GATAD2A: variants seen among roughly 807,000 people sequenced by gnomAD.
GATAD2A encodes transcriptional repressor p66-alpha.
GATAD2A carries 12 observed loss-of-function variants against 68.5 expected under a neutral mutation model. The ratio of observed to expected loss-of-function variants is 0.18; its 90% CI spans 0.11 to 0.28. The LOEUF is 0.28. GATAD2A is among the 10% of genes least tolerant of loss of function. The pLI is 1.00. For missense variants in GATAD2A, 755 were observed against 868.5 expected (o/e 0.87, Z 1.64); for synonymous variants, 410 against 375.3 (o/e 1.09, Z -1.07).
At chr19:19,424,989 T>A (rs1167058773) in intron 1 of GATAD2A, among the ~76,000 whole-genome samples, 1 of 150,978 alleles carries the variant, frequency 6.6e-6, no homozygotes, top group African/African-American at 2.4e-5. Context: ...TTGACACCTA[T>A]AATCCCAGCC....
At chr19:19,426,767 A>G (rs978603024) in intron 1 of GATAD2A, among the ~76,000 whole-genome samples, 3 of 151,856 alleles carry the variant, frequency 2.0e-5, no homozygotes, top group East Asian at 3.9e-4. Context: ...ACCCGCCTCA[A>G]CCTCCCAAAG....
chr19:19,438,966 C>G (rs578090462), intron 1 of GATAD2A, among the ~76,000 whole-genome samples: 3 of 152,370 alleles, frequency 2.0e-5, no homozygotes, highest in Admixed American at 1.3e-4. Flanking sequence ...TTCACCCACT[C>G]TTGGGTGTGT....
At chr19:19,501,701 AG>A (rs2060536205) in intron 9 of GATAD2A, among the ~76,000 whole-genome samples, 1 of 152,210 alleles carries the variant, frequency 6.6e-6, no homozygotes, top group South Asian at 2.1e-4. Context: ...AAATTTGGAG[AG>A]GAACAAGTTT....
intron 1 of GATAD2A, among the ~76,000 whole-genome samples, chr19:19,456,153 CAA>C (rs397859145): frequency 0.068 from 6,361 of 94,126 alleles, 172 homozygotes; most frequent in East Asian, 0.18. Flanking sequence ...GACTCCATCT[CAA>C]AAAAAAAAAA....
intron 1 of GATAD2A, among the ~76,000 whole-genome samples, chr19:19,442,609 C>T (rs1345013064): frequency 6.6e-6 from 1 of 152,006 alleles, no homozygotes; most frequent in Non-Finnish European, 1.5e-5. Context: ...GTCTGGGCAA[C>T]AGAGTAAGAC....
intron 1 of GATAD2A, among the ~76,000 whole-genome samples, chr19:19,432,294 G>GT (rs1208367350): frequency 6.6e-6 from 1 of 151,432 alleles, no homozygotes; most frequent in African/African-American, 2.4e-5. Context: ...GTTTTGTTTT[G>GT]TTTTTGTTTT....
In GATAD2A at chr19:19,498,554, G is replaced by T. The variant is rs1348306971; in HGVS notation, c.1036G>T (p.Ala346Ser). Residue 346 changes from alanine (A) to serine (S), a missense_variant, in exon 8 of 12, where the codon GCG (alanine) becomes TCG (serine). Coordinates refer to ENST00000683918, the MANE Select transcript of GATAD2A (RefSeq NM_001384528.1). The part of the protein sequence containing the change: ...TSAESPASRQ[A>S]AAKLALRKQL... ...TGCCGAGTCTCCAGCAAGCCGACAG[G>T]CGGCCGCCAAGCTGGCGCTGCGCAA... 1.2e-6 allele frequency: 2 copies of T among 1,613,818 alleles called. No homozygotes were observed. The highest frequency in any genetic ancestry group is 1.7e-6 in the Non-Finnish European group (2 of 1,180,042).
chr19:19,482,955 C>T (rs575777434), intron 2 of GATAD2A, among the ~76,000 whole-genome samples: 17 of 152,252 alleles, frequency 1.1e-4, no homozygotes, highest in Non-Finnish European at 2.4e-4. Flanking sequence ...CTACTACCCT[C>T]AGCCAAGCTA....
intron 1 of GATAD2A, among the ~76,000 whole-genome samples, chr19:19,407,894 C>G (rs1004311543): frequency 9.2e-5 from 14 of 152,230 alleles, no homozygotes. Flanking sequence ...CCTCCTTCAT[C>G]TTTCAGTTCT....
In GATAD2A at chr19:19,492,685, A is replaced by G. The variant is rs1271120622; in HGVS notation, c.507A>G (p.Gln169=). ...LVLLKKLRQS[Q]IQKEATAQKP... ...TGTTGAAAAAGTTGCGGCAGAGTCA[A>G]ATACAAAAGGAAGCCACCGCCCAGA... Residue 169 remains glutamine (Q), a synonymous_variant, in exon 4 of 12, where the codon CAA becomes CAG. Transcript: ENST00000683918. 1.2e-6 allele frequency: 2 copies of G among 1,614,068 alleles called. No individual in the cohort carries two copies. Among genetic ancestry groups the G allele is most frequent in the Admixed American group, 1.7e-5 (1 of 60,010 alleles).
chr19:19,430,384 G>A (rs988382637), intron 1 of GATAD2A, among the ~76,000 whole-genome samples: 9 of 152,180 alleles, frequency 5.9e-5, no homozygotes, highest in African/African-American at 2.2e-4. Flanking sequence ...GGGACCATTA[G>A]CAAAGAGGGT....
intron 1 of GATAD2A, among the ~76,000 whole-genome samples, chr19:19,419,978 G>A (rs1358308863): frequency 6.8e-6 from 1 of 146,956 alleles, no homozygotes; most frequent in Non-Finnish European, 1.5e-5. Flanking sequence ...GACTTATTAA[G>A]TGTGTGACCT....
At chr19:19,465,083 A>G in intron 1 of GATAD2A, 1 of 560,174 alleles carries the variant, frequency 1.8e-6, no homozygotes, top group Non-Finnish European at 3.2e-6. Context: ...GGCCCCCAAC[A>G]GGGCAGGGTG....
intron 1 of GATAD2A, among the ~76,000 whole-genome samples, chr19:19,419,085 C>T (rs1183452724): frequency 6.6e-6 from 1 of 152,126 alleles, no homozygotes; most frequent in Admixed American, 6.6e-5. Flanking sequence ...GCCAGGGAAC[C>T]CGTCCCCTCC....
At chr19:19,469,431 C>CAAAAAAAAAAAAAAAA (rs56310236) in intron 2 of GATAD2A, among the ~76,000 whole-genome samples, 4 of 132,148 alleles carry the variant, frequency 3.0e-5, no homozygotes, top group Non-Finnish European at 3.2e-5. Flanking sequence ...GACTCCATCT[C>CAAAAAAAAAAAAAAAA]AAAAAAAAAG....
intron 1 of GATAD2A, among the ~76,000 whole-genome samples, chr19:19,435,378 C>T (rs1283618180): frequency 6.6e-6 from 1 of 152,078 alleles, no homozygotes; most frequent in Non-Finnish European, 1.5e-5. Flanking sequence ...CACACGCCAC[C>T]ACACCTGGCT....
At chr19:19,439,214 T>TCATG (rs1374688685) in intron 1 of GATAD2A, among the ~76,000 whole-genome samples, 4 of 152,256 alleles carry the variant, frequency 2.6e-5, no homozygotes, top group African/African-American at 7.2e-5. Flanking sequence ...TCTTGCCTGT[T>TCATG]CATGGACTTG....
chr19:19,441,442 G>T (rs1257143667), intron 1 of GATAD2A, among the ~76,000 whole-genome samples: 1 of 152,164 alleles, frequency 6.6e-6, no homozygotes. Context: ...AGGCTGGAGT[G>T]CAGTGGTGTG....
chr19:19,386,944 A>G (rs865850541), intron 1 of GATAD2A, among the ~76,000 whole-genome samples: 67 of 150,470 alleles, frequency 4.5e-4, no homozygotes, highest in African/African-American at 1.5e-3. Flanking sequence ...CTGCCTCCCT[A>G]GAGACCCCTT....
Sources: allele counts gnomAD v4.1 joint callset (sites outside exome capture counted in the v4.1 genomes callset), GRCh38; gene constraint gnomAD v4.1.1; transcripts MANE v1.5; gene names NCBI Gene and HGNC (gene_info 2026-07-23, HGNC 2026-07-21).